HNF4A: variants seen among roughly 807,000 people sequenced by gnomAD.
HNF4A encodes the protein hepatocyte nuclear factor 4 alpha, also known as hepatocyte nuclear factor 4-alpha.
Under a neutral mutation model 52.4 loss-of-function variants are expected in HNF4A, and 15 were observed. The observed-to-expected ratio is 0.29, with a 90% CI of 0.19 to 0.44. The LOEUF is 0.44. Ranked by LOEUF, HNF4A falls within the 20% of genes least tolerant of loss-of-function variation. HNF4A has a pLI of 1.00. For synonymous variants in HNF4A, 280 were observed against 264.4 expected (o/e 1.06, Z -0.57); for missense variants, 479 against 647.2 (o/e 0.74, Z 2.82).
intron 8 of HNF4A, among the ~76,000 whole-genome samples, chr20:44,426,076 CAG>C (rs1243152277): frequency 1.3e-5 from 2 of 152,068 alleles, no homozygotes; most frequent in East Asian, 1.9e-4. Flanking sequence ...TCTGTGGAAT[CAG>C]GGGGAAGATG....
chr20:44,415,705 G>T (rs941286641), intron 5 of HNF4A, among the ~76,000 whole-genome samples: 10 of 152,174 alleles, frequency 6.6e-5, no homozygotes, highest in Non-Finnish European at 1.5e-5. Context: ...CAGAGGCCGA[G>T]GCTTCTCAAA....
rs563369447 is a variant in HNF4A at position 44,360,277 on chromosome 20, G to A, written c.49+4424G>A. 1.2e-4 allele frequency among the ~76,000 whole-genome samples: 18 copies of A among 152,278 alleles called. No homozygotes were observed. The South Asian group carries it at 3.1e-3, about 26-fold the overall frequency. ...ATGTGATGAATGGATGTGATAGATG[G>A]GTGGAGGGATGCATGAATGGAATAG... On this transcript the variant is annotated intron_variant, in intron 1 of 9. Transcript: ENST00000316673.
chr20:44,424,525 C>A, intron 8 of HNF4A: 1 of 1,042,398 alleles, frequency 9.6e-7, no homozygotes, highest in Non-Finnish European at 1.4e-6. Context: ...CTCGGGGAGG[C>A]TGTGTGTGTG....
chr20:44,432,692 CT>C lies in HNF4A; in HGVS notation c.*3030del, dbSNP rs2063892800. ...TGGGTCCCATCAGAACGACCCACAT[CT>C]TTCTGTGGGTGTGAATGTCATTAGG... On this transcript the variant is annotated 3_prime_UTR_variant, in exon 10 of 10. Coordinates refer to ENST00000316099, the MANE Select transcript of HNF4A (RefSeq NM_000457.6). The C allele has an allele frequency of 6.6e-6, 1 of 152,156 alleles. No individual in the cohort carries two copies. Among genetic ancestry groups the C allele is most frequent in the South Asian group, 2.1e-4 (1 of 4,822 alleles). The allele number at this position is 152,156 out of a possible 1,614,324, so 9.4% of individuals were successfully genotyped here.
At chr20:44,406,341 G>C in intron 2 of HNF4A, 109 bp downstream of exon 2, 1 of 880,406 alleles carries the variant, frequency 1.1e-6, no homozygotes, top group Non-Finnish European at 1.8e-6. Context: ...TGCCCTTCAG[G>C]GCCTTCAAGG....
chr20:44,357,577 C>G (rs2062871826), intron 1 of HNF4A, among the ~76,000 whole-genome samples: 1 of 152,188 alleles, frequency 6.6e-6, no homozygotes, highest in Non-Finnish European at 1.5e-5. Context: ...CAGCCTTTCA[C>G]TGTCTCCCAC....
At chr20:44,400,256 C>T (rs962098847), upstream of HNF4A, among the ~76,000 whole-genome samples, 3 of 151,736 alleles carry the variant, frequency 2.0e-5, no homozygotes, top group African/African-American at 7.3e-5. Context: ...ACTGCACTGG[C>T]GATACCCCCA....
At chr20:44,423,945 A>G (rs1343424906) in intron 7 of HNF4A, 73 bp from the exon 8 acceptor site, 14 of 1,448,004 alleles carry the variant, frequency 9.7e-6, no homozygotes, top group Non-Finnish European at 1.2e-5. Context: ...GTCAGGGGAC[A>G]TCTGGGTCTT....
rs555405118 is a variant in HNF4A at position 44,402,453 on chromosome 20, C to T, written c.115+966C>T. ...TGTGCTGCGGGCGGGGGTCAGCGGT[C>T]TCTGGTGTGCACGACTGCACAGACC... On this transcript the variant is annotated intron_variant, in intron 1 of 9. Transcript: ENST00000316099. The T allele has an allele frequency of 8.9e-6, 6 of 675,134 alleles. No homozygotes were observed. The East Asian group carries it at 2.0e-4, about 23-fold the overall frequency. 41.8% of individuals were successfully genotyped at this position (675,134 alleles called of 1,614,324 possible).
intron 1 of HNF4A, among the ~76,000 whole-genome samples, chr20:44,369,112 A>T (rs983795828): frequency 6.6e-6 from 1 of 151,834 alleles, no homozygotes; most frequent in Admixed American, 6.6e-5. Context: ...AGCTGGGCAT[A>T]GTGGCGGGCA....
rs8116767 is a variant in HNF4A, at chr20:44,357,658, A to G, written c.49+1805A>G. On this transcript the variant is annotated intron_variant, in intron 1 of 9. Coordinates refer to the HNF4A transcript ENST00000316673. ...CCTGTGTCATACTCATTATATAGCA[A>G]ACATTCAGCAATTATTAGAATGGTT... 6.9e-3 allele frequency among the ~76,000 whole-genome samples: 1,046 copies of G among 152,216 alleles called. 21 individuals carry two copies. The highest frequency in any genetic ancestry group is 0.024 in the African/African-American group (1,012 of 41,518).
intron 1 of HNF4A, among the ~76,000 whole-genome samples, chr20:44,357,881 C>T (rs937124909): frequency 4.6e-5 from 7 of 150,958 alleles, no homozygotes; most frequent in African/African-American, 1.5e-4. Context: ...TCATCTGACT[C>T]GAGACTTGAC....
At chr20:44,402,525 C>T (rs778134686) in intron 1 of HNF4A, 1 of 1,340,754 alleles carries the variant, frequency 7.5e-7, no homozygotes, top group African/African-American at 1.5e-5. Flanking sequence ...AGATTCATAT[C>T]AGCAACATGT....
At chr20:44,392,809 A>C (rs1343293148) in intron 1 of HNF4A, among the ~76,000 whole-genome samples, 2 of 152,198 alleles carry the variant, frequency 1.3e-5, no homozygotes, top group Non-Finnish European at 2.9e-5. Context: ...CAGGACACCC[A>C]GCAGCTTACA....
intron 5 of HNF4A, 29 bp downstream of exon 5, chr20:44,414,691 A>G: frequency 6.3e-7 from 1 of 1,576,966 alleles, no homozygotes; most frequent in Non-Finnish European, 8.6e-7. Flanking sequence ...GGTGGGCAGT[A>G]GTGGGCAGTG....
intron 3 of HNF4A, among the ~76,000 whole-genome samples, chr20:44,409,040 T>C (rs560068596): frequency 3.2e-4 from 49 of 151,932 alleles, no homozygotes; most frequent in African/African-American, 1.2e-3. Flanking sequence ...CTCTGCCCCC[T>C]CCCTTGGAAA....
chr20:44,390,576 C>G (rs1337791167), intron 1 of HNF4A: 1 of 701,820 alleles, frequency 1.4e-6, no homozygotes, highest in Admixed American at 2.0e-5. Flanking sequence ...GAGGGGCCAG[C>G]AGGAGCTCCC....
chr20:44,432,700 G>C lies in HNF4A; in HGVS notation c.*3035G>C, dbSNP rs2063892863. ...ATCAGAACGACCCACATCTTTCTGT[G>C]GGTGTGAATGTCATTAGGTCTTGCG... On this transcript the variant is annotated 3_prime_UTR_variant, in exon 10 of 10. Transcript: ENST00000316099. 6.6e-6 allele frequency: 1 copy of C among 152,138 alleles called. No individual in the cohort carries two copies. Among genetic ancestry groups the C allele is most frequent in the Admixed American group, 6.5e-5 (1 of 15,268 alleles). 9.4% of individuals were successfully genotyped at this position (152,138 alleles called of 1,614,324 possible).
chr20:44,428,856 G>A (rs968580497), intron 9 of HNF4A, among the ~76,000 whole-genome samples: 2 of 152,194 alleles, frequency 1.3e-5, no homozygotes, highest in African/African-American at 4.8e-5. Context: ...ACTACCCATT[G>A]GGTCAGGATG....
Sources: allele counts gnomAD v4.1 joint callset (sites outside exome capture counted in the v4.1 genomes callset), GRCh38; gene constraint gnomAD v4.1.1; transcripts MANE v1.5; gene names NCBI Gene and HGNC (gene_info 2026-07-23, HGNC 2026-07-21).